NDUFAF5: variants seen among roughly 807,000 people sequenced by gnomAD.
NDUFAF5 encodes the protein arginine-hydroxylase NDUFAF5, mitochondrial.
NDUFAF5 carries 34 observed loss-of-function variants against 48.9 expected under a neutral mutation model. That is an observed-to-expected ratio of 0.70 (90% CI 0.53 to 0.93). The LOEUF is 0.93. Among genes scored for constraint, NDUFAF5 ranks in the 40% least tolerant of loss-of-function variants. NDUFAF5 has a pLI of 0.00. For synonymous variants in NDUFAF5, 153 were observed against 150.6 expected (o/e 1.02, Z -0.12); for missense variants, 428 against 427.5 (o/e 1.00, Z -0.01).
intron 7 of NDUFAF5, among the ~76,000 whole-genome samples, chr20:13,805,520 T>A (rs1304933647): frequency 6.6e-6 from 1 of 152,046 alleles, no homozygotes; most frequent in African/African-American, 2.4e-5. Flanking sequence ...TGGTGTAGAA[T>A]CTTCTTTAGT....
intron 3 of NDUFAF5, among the ~76,000 whole-genome samples, chr20:13,789,267 C>T (rs528147376): frequency 1.3e-3 from 193 of 151,596 alleles, no homozygotes; most frequent in African/African-American, 4.4e-3. Context: ...CGGGTTTGAA[C>T]GATTCTCCTG....
intron 8 of NDUFAF5, among the ~76,000 whole-genome samples, chr20:13,815,696 T>C (rs1986376521): frequency 6.6e-6 from 1 of 152,232 alleles, no homozygotes; most frequent in African/African-American, 2.4e-5. Flanking sequence ...AAATTTAATA[T>C]AGAGAATACA....
At chr20:13,807,103 G>A (rs1414187929) in intron 7 of NDUFAF5, among the ~76,000 whole-genome samples, 2 of 149,360 alleles carry the variant, frequency 1.3e-5, no homozygotes, top group East Asian at 2.0e-4. Flanking sequence ...TTGGAGTGCC[G>A]TGGCGTGATC....
chr20:13,794,745 A>G (rs1209907087), intron 4 of NDUFAF5, 93 bp from the exon 5 acceptor site: 3 of 861,612 alleles, frequency 3.5e-6, no homozygotes, highest in East Asian at 2.6e-5. Flanking sequence ...CCAAGTAAAT[A>G]TAACATTGAC....
intron 6 of NDUFAF5, 45 bp from the exon 7 acceptor site, chr20:13,801,436 TTTATA>T: frequency 8.2e-7 from 1 of 1,220,014 alleles, no homozygotes; most frequent in Non-Finnish European, 1.2e-6. Context: ...TTTTTTAACA[TTTATA>T]TATATAAAAA....
chr20:13,797,847 A>C (rs1317617634), intron 5 of NDUFAF5, among the ~76,000 whole-genome samples: 1 of 152,186 alleles, frequency 6.6e-6, no homozygotes. Context: ...TATGTAAAAA[A>C]ATCTCTGGGT....
chr20:13,814,273 C>T (rs1018953201), intron 8 of NDUFAF5: 8 of 384,464 alleles, frequency 2.1e-5, no homozygotes, highest in African/African-American at 4.2e-5. Context: ...GCAGGGAGAC[C>T]GTGGGAGACT....
At chr20:13,817,072 G>A in intron 10 of NDUFAF5, 46 bp from the exon 11 acceptor site, 2 of 1,579,356 alleles carry the variant, frequency 1.3e-6, no homozygotes, top group Non-Finnish European at 1.7e-6. Flanking sequence ...TTGGGGCTGT[G>A]TATTATCTAT....
At chr20:13,800,478 A>G (rs926976) in intron 6 of NDUFAF5, among the ~76,000 whole-genome samples, 23,460 of 152,236 alleles carry the variant, frequency 0.15, 2,305 homozygotes, top group East Asian at 0.43. Flanking sequence ...AGAATAGTCA[A>G]TCAAACTAGT....
At chr20:13,801,723 CA>C in intron 7 of NDUFAF5, 40 bp downstream of exon 7, 1 of 1,510,490 alleles carries the variant, frequency 6.6e-7, no homozygotes, top group East Asian at 2.3e-5. Context: ...TTACACAGTT[CA>C]AAAAAGAACT....
chr20:13,809,075 T>C, intron 8 of NDUFAF5, 173 bp downstream of exon 8: 1 of 618,268 alleles, frequency 1.6e-6, no homozygotes, highest in Non-Finnish European at 2.9e-6. Flanking sequence ...ATGGAGCTTC[T>C]GATATAAAAT....
intron 8 of NDUFAF5, among the ~76,000 whole-genome samples, chr20:13,809,529 G>A (rs183737033): frequency 6.6e-6 from 1 of 152,342 alleles, no homozygotes; most frequent in East Asian, 1.9e-4. Context: ...TTTGGCTGGT[G>A]TTCAGGGAGT....
At chr20:13,801,714 T>G in intron 7 of NDUFAF5, 31 bp downstream of exon 7, 5 of 1,571,158 alleles carry the variant, frequency 3.2e-6, no homozygotes, top group Non-Finnish European at 4.4e-6. Flanking sequence ...ACCCATAACT[T>G]ACACAGTTCA....
intron 3 of NDUFAF5, among the ~76,000 whole-genome samples, chr20:13,791,208 G>C (rs1458122919): frequency 1.3e-5 from 2 of 152,196 alleles, no homozygotes; most frequent in East Asian, 3.8e-4. Context: ...CAGGTAGTTG[G>C]AAATGTGGAA....
intron 7 of NDUFAF5, among the ~76,000 whole-genome samples, chr20:13,802,683 A>AAAAAG (rs1568767735): frequency 6.7e-6 from 1 of 148,952 alleles, no homozygotes; most frequent in Non-Finnish European, 1.5e-5. Context: ...AAAAAAAAAA[A>AAAAAG]AAAAAAAGCA....
chr20:13,785,450 G>C (rs1008045341), intron 1 of NDUFAF5, among the ~76,000 whole-genome samples, 160 bp downstream of exon 1: 1 of 152,230 alleles, frequency 6.6e-6, no homozygotes, highest in Non-Finnish European at 1.5e-5. Context: ...GCAAGGCCTG[G>C]CCTCGGATAT....
At chr20:13,788,694 T>A (rs764362644) in intron 3 of NDUFAF5, 42 bp downstream of exon 3, 1 of 1,294,664 alleles carries the variant, frequency 7.7e-7, no homozygotes, top group Admixed American at 1.7e-5. Context: ...AAAAGTAACA[T>A]TGGCTAATTT....
intron 9 of NDUFAF5, 77 bp from the exon 10 acceptor site, chr20:13,816,798 A>G: frequency 1.1e-6 from 1 of 945,122 alleles, no homozygotes; most frequent in Non-Finnish European, 1.7e-6. Flanking sequence ...TTTCTTTTTG[A>G]AGAACATGAC....
intron 7 of NDUFAF5, among the ~76,000 whole-genome samples, chr20:13,802,258 G>A (rs550318719): frequency 6.6e-6 from 1 of 152,318 alleles, no homozygotes; most frequent in Admixed American, 6.5e-5. Flanking sequence ...TACGGTGACG[G>A]GGTAGGACAG....
Sources: allele counts gnomAD v4.1 joint callset (sites outside exome capture counted in the v4.1 genomes callset), GRCh38; gene constraint gnomAD v4.1.1; transcripts MANE v1.5; gene names NCBI Gene and HGNC (gene_info 2026-07-23, HGNC 2026-07-21).